The following NOX4 variants were observed in gnomAD, a reference collection of about 807,000 sequenced individuals.
NOX4 encodes NADPH oxidase 4, also known as kidney oxidase-1.
Under a neutral mutation model 87.6 loss-of-function variants are expected in NOX4, and 69 were observed. The ratio of observed to expected loss-of-function variants is 0.79; its 90% CI spans 0.65 to 0.96. The LOEUF is 0.96. NOX4 is among the 40% of genes least tolerant of loss of function. The pLI, the probability that NOX4 is intolerant of heterozygous loss-of-function variation, is 0.00. For missense variants in NOX4, 680 were observed against 681.5 expected (o/e 1.00, Z 0.02); for synonymous variants, 275 against 238.2 (o/e 1.15, Z -1.42).
intron 12 of NOX4, among the ~76,000 whole-genome samples, chr11:89,372,890 C>G (rs555742253): frequency 3.7e-4 from 56 of 151,792 alleles, no homozygotes; most frequent in Non-Finnish European, 7.5e-4. Context: ...TTTATTTACT[C>G]AAAGCTCTTA....
chr11:89,417,178 C>A (rs183790162), intron 8 of NOX4, among the ~76,000 whole-genome samples: 8 of 152,234 alleles, frequency 5.3e-5, no homozygotes, highest in African/African-American at 1.9e-4. Flanking sequence ...GCATTCCCTC[C>A]ACATTTCTTC....
chr11:89,432,820 A>G lies in NOX4; in HGVS notation c.512T>C (p.Leu171Pro), dbSNP rs754738850. Residue 171 changes from leucine (L) to proline (P), a missense_variant, in exon 7 of 18, where the codon CTA (leucine) becomes CCA (proline). By Grantham distance (98) the Leu-to-Pro change is moderately conservative (BLOSUM62 -3). Coordinates refer to ENST00000263317, the MANE Select transcript of NOX4 (RefSeq NM_016931.5). ...GLTGVCMVVV[L>P]FLMITASTYA... is the part of the protein sequence containing the mutation. ...TGTAGAGGCTGTGATCATGAGGAAT[A>G]GCACCACCACCATGCAGACCCCTGT... 2 of 1,611,674 alleles carry G rather than the reference A, an allele frequency of 1.2e-6. No homozygotes were observed. Among genetic ancestry groups the G allele is most frequent in the Non-Finnish European group, 1.7e-6 (2 of 1,178,376 alleles).
chr11:89,499,419 AT>A (rs541859896), upstream of NOX4, among the ~76,000 whole-genome samples: 15 of 152,338 alleles, frequency 9.8e-5, no homozygotes, highest in East Asian at 1.9e-3. Flanking sequence ...CATTCACCAA[AT>A]ATTCTAATTG....
chr11:89,541,605 A>G, the NOX4 span, among the ~76,000 whole-genome samples: 1 of 152,290 alleles, frequency 6.6e-6, no homozygotes, highest in African/African-American at 2.4e-5. Flanking sequence ...ATATTTTATT[A>G]GTTATAAGTG....
chr11:89,443,509 G>A (rs1328453813), intron 5 of NOX4: 1 of 152,328 alleles, frequency 6.6e-6, no homozygotes, highest in African/African-American at 2.4e-5. Flanking sequence ...TCAACCAACA[G>A]AGACCTAACT....
At chr11:89,560,798 T>G in the NOX4 span, among the ~76,000 whole-genome samples, 1 of 151,458 alleles carries the variant, frequency 6.6e-6, no homozygotes, top group Non-Finnish European at 1.5e-5. Flanking sequence ...AGCAACTCCC[T>G]GAGTTCTCAG....
chr11:89,395,744 C>T (rs1941439023), intron 11 of NOX4, among the ~76,000 whole-genome samples: 2 of 152,290 alleles, frequency 1.3e-5, no homozygotes, highest in South Asian at 2.1e-4. Flanking sequence ...TTCCCAGCTC[C>T]ATTTATTAAA....
rs1454851190 is a variant in NOX4, at chr11:89,326,133, C to G, written c.*623G>C. On this transcript the variant is annotated 3_prime_UTR_variant, in exon 18 of 18. Coordinates refer to ENST00000263317, the MANE Select transcript of NOX4 (RefSeq NM_016931.5). ...AGAAAAAAATATATAAAAATAGATACTATAACAACATTTGAGGAAGGTTCA... is the reference window on the plus strand; with the variant it reads ...AGAAAAAAATATATAAAAATAGATAGTATAACAACATTTGAGGAAGGTTCA... 2 of 151,734 alleles carry G rather than the reference C, an allele frequency of 1.3e-5. No homozygotes were observed. The highest frequency in any genetic ancestry group is 4.8e-5 in the African/African-American group (2 of 41,438). The allele number at this position is 151,734 out of a possible 1,614,324, so 9.4% of individuals were successfully genotyped here. A position where few individuals can be genotyped will look rare whatever the true frequency, so the allele number is the denominator to read the frequency against.
intron 13 of NOX4, among the ~76,000 whole-genome samples, chr11:89,348,323 G>A (rs1290398585): frequency 5.9e-5 from 9 of 151,968 alleles, no homozygotes; most frequent in South Asian, 2.1e-4. Context: ...GCTGAGGCAC[G>A]AAAACTTCTT....
chr11:89,423,750 A>T (rs1056526087), intron 7 of NOX4, among the ~76,000 whole-genome samples: 2 of 150,998 alleles, frequency 1.3e-5, no homozygotes, highest in Non-Finnish European at 3.0e-5. Flanking sequence ...AACACTCCTT[A>T]AAAATATATA....
At chr11:89,342,492 C>CATATTAGACTATATGTCTAATATAGTCAT (rs1340088900) in intron 13 of NOX4, among the ~76,000 whole-genome samples, 64 of 152,018 alleles carry the variant, frequency 4.2e-4, no homozygotes, top group African/African-American at 9.2e-4. Context: ...AAGCTCTGAT[C>CATATTAGACTATATGTCTAATATAGTCAT]ATATTAGACT....
rs1468680480 is a variant in NOX4, at chr11:89,325,641, C to T, written c.*1115G>A. 1.3e-5 allele frequency: 2 copies of T among 151,914 alleles called. No individual in the cohort carries two copies. Among genetic ancestry groups the T allele is most frequent in the South Asian group, 2.1e-4 (1 of 4,816 alleles). The allele number at this position is 151,914 out of a possible 1,614,324, so 9.4% of individuals were successfully genotyped here. ...TTCCTCTTACTTAAAAGGTAAAATA[C>T]AGGTTTTACTGTTCAGGAATATGAC... On this transcript the variant is annotated 3_prime_UTR_variant, in exon 18 of 18. Coordinates refer to ENST00000263317, the MANE Select transcript of NOX4 (RefSeq NM_016931.5).
At chr11:89,464,206 T>G (rs980547955) in intron 2 of NOX4, among the ~76,000 whole-genome samples, 3 of 152,102 alleles carry the variant, frequency 2.0e-5, no homozygotes, top group Non-Finnish European at 4.4e-5. Flanking sequence ...GTAATTTAAT[T>G]CAAAGTGGAT....
rs71469268 is a variant in NOX4, at chr11:89,463,267, T to C, written c.154-11372A>G. Among the ~76,000 whole-genome samples the C allele has an allele frequency of 8.4e-3, 1,273 of 152,058 alleles. 23 individuals carry two copies. The highest frequency in any genetic ancestry group is 0.051 in the Middle Eastern group (15 of 292). On this transcript the variant is annotated intron_variant, in intron 2 of 17. Coordinates refer to ENST00000263317, the MANE Select transcript of NOX4 (RefSeq NM_016931.5). ...TACATCCTAGATCAGCTGTGCTTCATACAAGCTAATTACAATCACATGACA... is the reference window on the plus strand; with the variant it reads ...TACATCCTAGATCAGCTGTGCTTCACACAAGCTAATTACAATCACATGACA...
At chr11:89,345,403 A>T (rs1332489162) in intron 13 of NOX4, among the ~76,000 whole-genome samples, 4 of 151,656 alleles carry the variant, frequency 2.6e-5, no homozygotes, top group Non-Finnish European at 5.9e-5. Flanking sequence ...TGTACTTAAA[A>T]TTTTGATTTT....
At chr11:89,386,603 CTTCTTAAACAAT>C (rs1008339073) in intron 11 of NOX4, among the ~76,000 whole-genome samples, 6 of 152,126 alleles carry the variant, frequency 3.9e-5, no homozygotes, top group African/African-American at 1.4e-4. Flanking sequence ...ATTTCTAATC[CTTCTTAAACAAT>C]TGCTGGCTTT....
At chr11:89,379,733 T>C (rs11018597) in intron 11 of NOX4, among the ~76,000 whole-genome samples, 58,399 of 151,916 alleles carry the variant, frequency 0.38, 11,467 homozygotes, top group African/African-American at 0.45. Context: ...CTTCACTTCC[T>C]TTCACATTAT....
At chr11:89,445,270 A>G (rs143561255) in intron 4 of NOX4, among the ~76,000 whole-genome samples, 1 of 152,226 alleles carries the variant, frequency 6.6e-6, no homozygotes, top group East Asian at 1.9e-4. Context: ...ATAGCCTGGA[A>G]TCTAGAAAAC....
chr11:89,392,631 G>T (rs920419339), intron 11 of NOX4, among the ~76,000 whole-genome samples: 5 of 152,000 alleles, frequency 3.3e-5, no homozygotes, highest in African/African-American at 1.2e-4. Context: ...ATTGATGAAC[G>T]TGTTAGAGTT....
Sources: allele counts gnomAD v4.1 joint callset (sites outside exome capture counted in the v4.1 genomes callset), GRCh38; gene constraint gnomAD v4.1.1; transcripts MANE v1.5; gene names NCBI Gene and HGNC (gene_info 2026-07-23, HGNC 2026-07-21).